Variants in SRPRA observed in about 807,000 individuals in gnomAD.
SRPRA encodes SRP receptor subunit alpha.
Under a neutral mutation model 61.1 loss-of-function variants are expected in SRPRA, and 30 were observed. The observed-to-expected ratio is 0.49, with a 90% CI of 0.37 to 0.67. The LOEUF (loss-of-function observed/expected upper bound fraction) is 0.67, where lower values mean the gene tolerates loss of function less well. Ranked by LOEUF, SRPRA falls within the 30% of genes least tolerant of loss-of-function variation. The pLI, the probability that SRPRA is intolerant of heterozygous loss-of-function variation, is 0.00. For synonymous variants in SRPRA, 324 were observed against 299.7 expected, an observed-to-expected ratio of 1.08 and a Z score of -0.84; for missense variants, 759 against 828.4, an observed-to-expected ratio of 0.92 and a Z score of 1.03.
At position 126,263,786 on chromosome 11, in the gene SRPRA, C is replaced by A. The variant is rs922575181; in HGVS notation, c.*130G>T. On this transcript the variant is annotated 3_prime_UTR_variant, in exon 14 of 14. Transcript: ENST00000332118. ...GAACGGGGAGTGGGGTTGGAAGGAGCCACAAGCCCCCTCACTCTGCCTTTG... is the reference window on the plus strand; with the variant it reads ...GAACGGGGAGTGGGGTTGGAAGGAGACACAAGCCCCCTCACTCTGCCTTTG... The A allele has an allele frequency of 7.5e-7, 1 of 1,326,180 alleles. No individual in the cohort carries two copies. Among genetic ancestry groups the A allele is most frequent in the Non-Finnish European group, 1.0e-6 (1 of 970,430 alleles). The allele number at this position is 1,326,180 out of a possible 1,614,324, so 82.2% of individuals were successfully genotyped here. A position where few individuals can be genotyped will look rare whatever the true frequency, so the allele number is the denominator to read the frequency against.
intron 6 of SRPRA, 22 bp downstream of exon 6, chr11:126,266,454 T>C: frequency 6.2e-7 from 1 of 1,609,998 alleles, no homozygotes; most frequent in Non-Finnish European, 8.5e-7. Context: ...TAAAGATCAC[T>C]TTGACCCCTG....
At chr11:126,258,738 TTCTACATATTTCTTTTGA>T (rs1950621499), downstream of SRPRA, among the ~76,000 whole-genome samples, 1 of 152,266 alleles carries the variant, frequency 6.6e-6, no homozygotes, top group Non-Finnish European at 1.5e-5. Flanking sequence ...CATATCCAAG[TTCTACATATTTCTTTTGA>T]TCTATATGCT....
At chr11:126,236,522 T>C in the SRPRA span, among the ~76,000 whole-genome samples, 2 of 152,184 alleles carry the variant, frequency 1.3e-5, no homozygotes, top group African/African-American at 4.8e-5. Context: ...ATAAGGATCA[T>C]TATTTTATTC....
chr11:126,237,410 A>T, the SRPRA span, among the ~76,000 whole-genome samples: 4 of 144,814 alleles, frequency 2.8e-5, no homozygotes, highest in Non-Finnish European at 4.5e-5. Flanking sequence ...TTATTTATTT[A>T]TTTTTTAAAT....
Position 126,265,030 on chromosome 11 carries a change from G to T in SRPRA, c.1454C>A (p.Thr485Asn). 6.2e-7 allele frequency: 1 copy of T among 1,614,198 alleles called. No homozygotes were observed. Among genetic ancestry groups the T allele is most frequent in the Non-Finnish European group, 8.5e-7 (1 of 1,180,040 alleles). The change falls in exon 11 of 14, where the codon ACC (threonine) becomes AAC (asparagine). Residue 485 changes from threonine to asparagine, a missense_variant. Physicochemically the swap from Thr to Asn is moderately conservative, Grantham distance 65 (BLOSUM62 0). Around this residue, in one of 2 missense-constraint regions of SRPRA, gnomAD observed 284 missense variants for 365.9 expected, o/e 0.78. Coordinates refer to ENST00000332118, the MANE Select transcript of SRPRA (RefSeq NM_003139.4). The surrounding 1 kb of genome is among the most constrained non-coding windows in gnomAD (Gnocchi z 6.3). ...GCCCTTTTCAAACAACTGCACCATG[G>T]TGCGGCCACCATGCTTCTCTGGAGG... The part of the protein sequence containing the change: ...LHPPEKHGGR[T>N]MVQLFEKGYG...
chr11:126,265,942 A>C lies in SRPRA; in HGVS notation c.1051+21T>G, dbSNP rs1045126067. The C allele has an allele frequency of 6.2e-7, 1 of 1,612,864 alleles. No homozygotes were observed. Among genetic ancestry groups the C allele is most frequent in the Non-Finnish European group, 8.5e-7 (1 of 1,178,828 alleles). ...TACCCCTATCCCGCGAGTATGAGTC[A>C]GCCCGGTCCTCAGAACTTACCAATG... On this transcript the variant is annotated intron_variant, in intron 8 of 13. Transcript: ENST00000332118. This position sits in a 1 kb window ranked among gnomAD's most constrained non-coding sequence, Gnocchi z 6.3.
the SRPRA span, among the ~76,000 whole-genome samples, chr11:126,243,931 A>G: frequency 3.3e-5 from 5 of 151,890 alleles, no homozygotes; most frequent in Non-Finnish European, 7.4e-5. Flanking sequence ...TCTGCATATC[A>G]ATATAATGCA....
At position 126,264,583 on chromosome 11, in the gene SRPRA, T is replaced by C. The variant is rs772976363; in HGVS notation, c.1526-44A>G. 1 of 1,597,464 alleles carries C rather than the reference T, an allele frequency of 6.3e-7. No individual in the cohort carries two copies. Among genetic ancestry groups the C allele is most frequent in the Admixed American group, 1.7e-5 (1 of 59,022 alleles). On this transcript the variant is annotated intron_variant, in intron 11 of 13. Coordinates refer to ENST00000332118, the MANE Select transcript of SRPRA (RefSeq NM_003139.4). The surrounding 1 kb of genome is among the most constrained non-coding windows in gnomAD (Gnocchi z 5.0). Reference sequence around the variant, plus strand: ...CAACTCTGAACACCTGGACTACCACTCATGCTCGTTCCCAGCTTCCTCTCA... The same window carrying C: ...CAACTCTGAACACCTGGACTACCACCCATGCTCGTTCCCAGCTTCCTCTCA...
the SRPRA span, chr11:126,256,486 C>T: frequency 7.3e-7 from 1 of 1,360,998 alleles, no homozygotes; most frequent in African/African-American, 1.4e-5. This position sits in a 1 kb window ranked among gnomAD's most constrained non-coding sequence, Gnocchi z 6.6. Flanking sequence ...ACAGTCTGCT[C>T]AACGTAGCAT....
Position 126,265,443 on chromosome 11 carries a change from G to A in SRPRA, c.1139-3C>T. Reference sequence around the variant, plus strand: ...TTGCTTTACTGTGGAAGTCACCGCTGAAAGGGGAGGTGGAGGAGGTTGCAG... The same window carrying A: ...TTGCTTTACTGTGGAAGTCACCGCTAAAAGGGGAGGTGGAGGAGGTTGCAG... On this transcript the variant is annotated splice_polypyrimidine_tract_variant and splice_region_variant and intron_variant, in intron 9 of 13. Transcript: ENST00000332118. This position sits in a 1 kb window ranked among gnomAD's most constrained non-coding sequence, Gnocchi z 6.3. The A allele has an allele frequency of 6.2e-7, 1 of 1,609,260 alleles. No homozygotes were observed. Among genetic ancestry groups the A allele is most frequent in the South Asian group, 1.1e-5 (1 of 90,648 alleles).
chr11:126,264,356 A>C lies in SRPRA; in HGVS notation c.1689+20T>G, dbSNP rs771594388. 2.8e-5 allele frequency: 46 copies of C among 1,614,112 alleles called. No individual in the cohort carries two copies. The highest frequency in any genetic ancestry group is 3.7e-5 in the Non-Finnish European group (44 of 1,179,944). On this transcript the variant is annotated intron_variant, in intron 12 of 13. Coordinates refer to ENST00000332118, the MANE Select transcript of SRPRA (RefSeq NM_003139.4). The surrounding 1 kb of genome is among the most constrained non-coding windows in gnomAD (Gnocchi z 5.0). The stretch of plus-strand genomic sequence containing the variant: ...TGACCAAAGCTCAAGTTGTAAAGGG[A>C]ACTGGGCCCACGCTCTCACCAGCTG...
At chr11:126,240,725 G>C in the SRPRA span, 2 of 1,453,436 alleles carry the variant, frequency 1.4e-6, no homozygotes, top group African/African-American at 1.4e-5. Context: ...ACCTGAGTCA[G>C]ACAGTCTTTC....
the SRPRA span, among the ~76,000 whole-genome samples, chr11:126,246,833 A>C: frequency 6.6e-6 from 1 of 152,078 alleles, no homozygotes; most frequent in Non-Finnish European, 1.5e-5. Context: ...GTTGTGTGGG[A>C]GTTTGGCATT....
At chr11:126,252,887 T>G in the SRPRA span, among the ~76,000 whole-genome samples, 1 of 151,982 alleles carries the variant, frequency 6.6e-6, no homozygotes, top group Non-Finnish European at 1.5e-5. The surrounding 1 kb of genome is among the most constrained non-coding windows in gnomAD (Gnocchi z 4.7). Flanking sequence ...ATACAAAAAC[T>G]AGCTGGGAGT....
chr11:126,245,253 G>C, the SRPRA span: 3 of 152,092 alleles, frequency 2.0e-5, no homozygotes, highest in African/African-American at 4.8e-5. Context: ...CTGCACTCTA[G>C]CCTGGGCAAC....
chr11:126,266,126 G>C, intron 7 of SRPRA, 45 bp from the exon 8 acceptor site: 1 of 1,612,674 alleles, frequency 6.2e-7, no homozygotes, highest in Non-Finnish European at 8.5e-7. Context: ...CCAGTAGGCA[G>C]GAGTTGTATC....
Position 126,266,171 on chromosome 11 carries a change from C to T in SRPRA, c.932+16G>A, listed in dbSNP as rs974245490. The T allele has an allele frequency of 9.9e-6, 16 of 1,613,828 alleles. No individual in the cohort carries two copies. Among genetic ancestry groups the T allele is most frequent in the South Asian group, 2.2e-5 (2 of 91,082 alleles). The stretch of plus-strand genomic sequence containing the variant: ...TTGCAGATGCATATACCAACCCCCA[C>T]CTGAAATTCCCCTACCTAGGTTTGG... On this transcript the variant is annotated intron_variant, in intron 7 of 13. Coordinates refer to ENST00000332118, the MANE Select transcript of SRPRA (RefSeq NM_003139.4).
chr11:126,255,676 A>C, the SRPRA span, among the ~76,000 whole-genome samples: 1 of 152,152 alleles, frequency 6.6e-6, no homozygotes, highest in African/African-American at 2.4e-5. This position sits in a 1 kb window ranked among gnomAD's most constrained non-coding sequence, Gnocchi z 4.6. Flanking sequence ...TGGGCACATA[A>C]ATCTAAAAAA....
At chr11:126,250,496 CCCT>C in the SRPRA span, 2 of 1,595,294 alleles carry the variant, frequency 1.3e-6, no homozygotes, top group Admixed American at 3.4e-5. The surrounding 1 kb of genome is among the most constrained non-coding windows in gnomAD (Gnocchi z 5.1). Context: ...TTTTTCAAAT[CCCT>C]CCTCAGCGTA....
Sources: allele counts gnomAD v4.1 joint callset (sites outside exome capture counted in the v4.1 genomes callset), GRCh38; gene constraint gnomAD v4.1.1; regional missense constraint gnomAD v4.1.1; non-coding constraint Gnocchi (gnomAD v3.1); transcripts MANE v1.5; gene names NCBI Gene and HGNC (gene_info 2026-07-23, HGNC 2026-07-21).